Variants in AJAP1 observed in about 807,000 individuals in gnomAD.
AJAP1 encodes adherens junctions associated protein 1.
In AJAP1, 5 loss-of-function variants were observed where a neutral mutation model predicts 35.0. The ratio of observed to expected loss-of-function variants is 0.14; its 90% CI spans 0.07 to 0.30. AJAP1 has a LOEUF of 0.30. AJAP1 is among the 10% of genes least tolerant of loss of function. The probability of loss-of-function intolerance (pLI) is 1.00; values close to 1 mark genes in which losing one functional copy is unlikely to be tolerated. For synonymous variants in AJAP1, 284 were observed against 249.3 expected, an observed-to-expected ratio of 1.14 and a Z score of -1.31; for missense variants, 586 against 571.0, an observed-to-expected ratio of 1.03 and a Z score of -0.27.
intron 1 of AJAP1, among the ~76,000 whole-genome samples, chr1:4,684,383 T>C (rs541200072): frequency 6.6e-6 from 1 of 152,174 alleles, no homozygotes; most frequent in South Asian, 2.1e-4. Flanking sequence ...ACATCGGCCT[T>C]TATGAGTGTT....
At position 4,790,252 on chromosome 1, in the gene AJAP1, A is replaced by G. The variant is rs1268534145; in HGVS notation, c.*7767A>G. On this transcript the variant is annotated 3_prime_UTR_variant, in exon 6 of 6. Coordinates refer to ENST00000378191, the MANE Select transcript of AJAP1 (RefSeq NM_018836.4). ...GCCTCCGCAGTCTATTCTGGGGTGG[A>G]AACACCATTCTCTATTATTTCTCTC... The G allele has an allele frequency of 6.6e-6, 1 of 152,242 alleles. No homozygotes were observed. Among genetic ancestry groups the G allele is most frequent in the Non-Finnish European group, 1.5e-5 (1 of 68,038 alleles). The allele number at this position is 152,242 out of a possible 1,614,324, so 9.4% of individuals were successfully genotyped here.
chr1:4,704,369 C>T (rs1158684130), intron 1 of AJAP1, among the ~76,000 whole-genome samples: 2 of 144,216 alleles, frequency 1.4e-5, no homozygotes, highest in Non-Finnish European at 3.0e-5. Flanking sequence ...CATGTGTTCT[C>T]ATTGTTCAAT....
At position 4,671,632 on chromosome 1, in the gene AJAP1, C is replaced by T. The variant is rs115235748; in HGVS notation, c.29+16178C>T. Among the ~76,000 whole-genome samples the T allele has an allele frequency of 8.5e-3, 1,288 of 152,212 alleles. 19 individuals are homozygous for T. Among genetic ancestry groups the T allele is most frequent in the African/African-American group, 0.029 (1,220 of 41,530 alleles). ...CACCAACTCTAGCAATTCTTCCTCA[C>T]ACACCTCTTCCAGTCCTGTGACTGC... On this transcript the variant is annotated intron_variant, in intron 1 of 5. Transcript: ENST00000378191.
Position 4,712,373 on chromosome 1 carries a change from A to C in AJAP1, c.503A>C (p.Asp168Ala). Reference protein sequence around the residue: ...HLQGDGLSSFDSRGSRPTTET... With the variant: ...HLQGDGLSSFASRGSRPTTET... ...CAGGGGGACGGTCTCAGCAGCTTCGACTCCAGAGGCAGCCGGCCCACCACA... is the reference window on the plus strand; with the variant it reads ...CAGGGGGACGGTCTCAGCAGCTTCGCCTCCAGAGGCAGCCGGCCCACCACA... Residue 168 changes from aspartate (D) to alanine (A), a missense_variant, in exon 2 of 6, where the codon GAC becomes GCC. Asp to Ala is a moderately radical substitution (Grantham distance 126). Coordinates refer to ENST00000378191, the MANE Select transcript of AJAP1 (RefSeq NM_018836.4). 1 of 1,535,760 alleles carries C rather than the reference A, an allele frequency of 6.5e-7. No homozygotes were observed. Among genetic ancestry groups the C allele is most frequent in the Non-Finnish European group, 8.8e-7 (1 of 1,139,418 alleles).
Position 4,712,522 on chromosome 1 carries a change from GCCACCA to G in AJAP1, c.669_674del (p.Thr224_Thr225del), listed in dbSNP as rs529940202. On this transcript the variant is annotated inframe_deletion, in exon 2 of 6. Coordinates refer to ENST00000378191, the MANE Select transcript of AJAP1 (RefSeq NM_018836.4). ...ACAAACACGGAAGACAACTGTGGCC[GCCACCA>G]CCACCACCACCACCACGGCCACCCC... is the stretch of plus-strand genomic sequence containing the variant. 25 of 1,609,884 alleles carry G rather than the reference GCCACCA, an allele frequency of 1.6e-5. No homozygotes were observed. The South Asian group carries it at 1.7e-4, about 11-fold the overall frequency.
intron 2 of AJAP1, among the ~76,000 whole-genome samples, chr1:4,767,302 A>G (rs961387983): frequency 2.0e-5 from 3 of 151,432 alleles, no homozygotes. Flanking sequence ...TCATCATGTC[A>G]CTATCACCGT....
chr1:4,775,842 A>C (rs1321555109), intron 5 of AJAP1, among the ~76,000 whole-genome samples: 1 of 152,224 alleles, frequency 6.6e-6, no homozygotes, highest in Non-Finnish European at 1.5e-5. Flanking sequence ...AGCATCCATC[A>C]GAAGCCAGTG....
chr1:4,658,811 G>A (rs1638939135), intron 1 of AJAP1, among the ~76,000 whole-genome samples: 1 of 152,206 alleles, frequency 6.6e-6, no homozygotes, highest in African/African-American at 2.4e-5. Flanking sequence ...GGGCAACGCA[G>A]CTCAGGAATG....
chr1:4,770,885 G>A (rs964721130), intron 3 of AJAP1, among the ~76,000 whole-genome samples: 2 of 152,148 alleles, frequency 1.3e-5, no homozygotes, highest in African/African-American at 4.8e-5. Context: ...GCCACCTCCT[G>A]ATAGGTAGCA....
At chr1:4,694,344 A>G (rs1031093350) in intron 1 of AJAP1, among the ~76,000 whole-genome samples, 3 of 152,232 alleles carry the variant, frequency 2.0e-5, no homozygotes, top group Non-Finnish European at 4.4e-5. Flanking sequence ...AGCCCTGCAC[A>G]GCAAGTATTA....
intron 1 of AJAP1, among the ~76,000 whole-genome samples, chr1:4,711,696 C>T (rs1476730748): frequency 3.9e-5 from 6 of 152,198 alleles, no homozygotes; most frequent in Non-Finnish European, 8.8e-5. Context: ...CGCACCCTCG[C>T]AGCGCGCGCT....
intron 2 of AJAP1, among the ~76,000 whole-genome samples, chr1:4,745,491 A>G (rs1008150261): frequency 6.6e-5 from 10 of 152,202 alleles, no homozygotes; most frequent in African/African-American, 2.2e-4. Flanking sequence ...TCCGCTCCAC[A>G]GAAGGAGGGG....
chr1:4,728,595 G>A (rs376385687), intron 2 of AJAP1, among the ~76,000 whole-genome samples: 9 of 152,330 alleles, frequency 5.9e-5, no homozygotes, highest in South Asian at 2.1e-4. Context: ...GGCTGTGTCC[G>A]TGGGAGCAGC....
At chr1:4,751,783 G>C (rs1641325855) in intron 2 of AJAP1, among the ~76,000 whole-genome samples, 1 of 152,202 alleles carries the variant, frequency 6.6e-6, no homozygotes, top group Middle Eastern at 3.2e-3. Context: ...AAGCACTCAC[G>C]CTCTCTGCAA....
chr1:4,708,822 CCCA>C (rs144675465), intron 1 of AJAP1, among the ~76,000 whole-genome samples: 12,809 of 152,246 alleles, frequency 0.084, 776 homozygotes, highest in East Asian at 0.35. Context: ...CCCCCTGCCC[CCCA>C]CATTTCTTGG....
chr1:4,787,727 T>C lies in AJAP1; in HGVS notation c.*5242T>C, dbSNP rs1006348294. 2.2e-6 allele frequency: 1 copy of C among 456,104 alleles called. No homozygotes were observed. The highest frequency in any genetic ancestry group is 1.5e-5 in the South Asian group (1 of 64,544). The allele number at this position is 456,104 out of a possible 1,614,324, so 28.3% of individuals were successfully genotyped here. ...GTCAGGTTGCCAGGCCAAGCAGGTCTCAGGTCAGCCAGGTCTCAAGGAGGA... is the reference window on the plus strand; with the variant it reads ...GTCAGGTTGCCAGGCCAAGCAGGTCCCAGGTCAGCCAGGTCTCAAGGAGGA... On this transcript the variant is annotated 3_prime_UTR_variant, in exon 6 of 6. Transcript: ENST00000378191.
intron 1 of AJAP1, among the ~76,000 whole-genome samples, chr1:4,702,520 G>A (rs1042035468): frequency 6.6e-6 from 1 of 152,232 alleles, no homozygotes; most frequent in Non-Finnish European, 1.5e-5. Context: ...CCTTCGTGAA[G>A]GTTCACAACC....
In AJAP1 at chr1:4,693,124, A is replaced by G. The variant is rs1639781311; in HGVS notation, c.30-18776A>G. 6.6e-6 allele frequency among the ~76,000 whole-genome samples: 1 copy of G among 152,040 alleles called. No homozygotes were observed. The highest frequency in any genetic ancestry group is 1.5e-5 in the Non-Finnish European group (1 of 68,006). ...GGCCCAGGGAGGTTGACAGGGCTGG[A>G]TTTTCTCCCAGTTTATGGGGAGAAA... On this transcript the variant is annotated intron_variant, in intron 1 of 5. Coordinates refer to ENST00000378191, the MANE Select transcript of AJAP1 (RefSeq NM_018836.4). This position sits in a 1 kb window ranked among gnomAD's most constrained non-coding sequence, Gnocchi z 4.4.
Position 4,783,445 on chromosome 1 carries a change from A to AATGCCAAG in AJAP1, c.*961_*968dup, listed in dbSNP as rs1642103499. The AATGCCAAG allele has an allele frequency of 7.1e-6, 1 of 141,098 alleles. No individual in the cohort carries two copies. The allele number at this position is 141,098 out of a possible 1,614,324, so 8.7% of individuals were successfully genotyped here. On this transcript the variant is annotated 3_prime_UTR_variant, in exon 6 of 6. Coordinates refer to ENST00000378191, the MANE Select transcript of AJAP1 (RefSeq NM_018836.4). The stretch of plus-strand genomic sequence containing the variant: ...CTTACTATCTTGGGCCAGAACTAAG[A>AATGCCAAG]ATGCCAAGGTTTTATATATGTGTGT...
Sources: gnomAD v4.1 joint callset for allele counts (sites outside exome capture counted in the v4.1 genomes callset) on GRCh38, gnomAD v4.1.1 for gene constraint, Gnocchi (gnomAD v3.1) non-coding constraint, MANE v1.5 for transcripts, NCBI Gene and HGNC (gene_info 2026-07-23, HGNC 2026-07-21) for gene names.